The following CACNA1D variants were observed in gnomAD, a reference collection of about 807,000 sequenced individuals.
CACNA1D encodes calcium voltage-gated channel subunit alpha1 D, also known as voltage-dependent L-type calcium channel subunit alpha-1D.
In CACNA1D, 55 loss-of-function variants were observed where a neutral mutation model predicts 257.1. The ratio of observed to expected loss-of-function variants is 0.21; its 90% CI spans 0.17 to 0.27. The LOEUF (loss-of-function observed/expected upper bound fraction) is 0.27. Ranked by LOEUF, CACNA1D falls within the 10% of genes least tolerant of loss-of-function variation. CACNA1D has a pLI of 1.00. For missense variants in CACNA1D, 1,876 were observed against 2,784.0 expected (o/e 0.67, Z 7.34); for synonymous variants, 980 against 1,014.9 (o/e 0.97, Z 0.65).
At chr3:53,629,359 C>T (rs934071468) in intron 3 of CACNA1D, among the ~76,000 whole-genome samples, 7 of 151,834 alleles carry the variant, frequency 4.6e-5, no homozygotes, top group African/African-American at 1.7e-4. Flanking sequence ...CTTCCATTTT[C>T]TCTTAAGAAA....
chr3:53,616,690 C>T (rs549048039), intron 3 of CACNA1D, among the ~76,000 whole-genome samples: 68 of 152,266 alleles, frequency 4.5e-4, no homozygotes, highest in Admixed American at 3.5e-3. Context: ...GCTGTATAAT[C>T]GGTTATCCAA....
intron 8 of CACNA1D, among the ~76,000 whole-genome samples, chr3:53,680,604 T>C (rs1210153248): frequency 6.6e-6 from 1 of 152,174 alleles, no homozygotes; most frequent in East Asian, 1.9e-4. Flanking sequence ...GAGAATTCAT[T>C]ACAGTGCTTT....
intron 30 of CACNA1D, among the ~76,000 whole-genome samples, chr3:53,762,951 C>T (rs542372025): frequency 6.6e-6 from 1 of 152,296 alleles, no homozygotes; most frequent in South Asian, 2.1e-4. Context: ...GTCGTGTGAC[C>T]GTGGAAGTCA....
chr3:53,766,593 C>T (rs1367078204), intron 30 of CACNA1D, among the ~76,000 whole-genome samples: 2 of 152,216 alleles, frequency 1.3e-5, no homozygotes, highest in Non-Finnish European at 2.9e-5. Flanking sequence ...TTGACTTCCA[C>T]GGTTGCAGGG....
At chr3:53,735,246 G>T (rs1248572477) in intron 19 of CACNA1D, 128 bp from the exon 20 acceptor site, 5 of 914,606 alleles carry the variant, frequency 5.5e-6, no homozygotes, top group South Asian at 1.3e-5. Flanking sequence ...GCCGGGCAGG[G>T]TGCATGGGCA....
intron 3 of CACNA1D, among the ~76,000 whole-genome samples, chr3:53,572,627 T>G (rs1023598764): frequency 1.3e-5 from 2 of 152,138 alleles, no homozygotes. Context: ...CTCGAACTCA[T>G]AAGCTGAAGT....
At chr3:53,788,988 C>A (rs1307427648) in intron 40 of CACNA1D, among the ~76,000 whole-genome samples, 1 of 152,100 alleles carries the variant, frequency 6.6e-6, no homozygotes, top group Non-Finnish European at 1.5e-5. Context: ...TATGCACAAA[C>A]AACACACAGC....
chr3:53,596,810 A>C (rs533879024), intron 3 of CACNA1D, among the ~76,000 whole-genome samples: 7 of 152,252 alleles, frequency 4.6e-5, no homozygotes, highest in Non-Finnish European at 7.3e-5. Flanking sequence ...TAAGATACTA[A>C]GTTTGTGTTG....
chr3:53,795,407 C>T (rs2095503302), intron 40 of CACNA1D, among the ~76,000 whole-genome samples: 1 of 152,106 alleles, frequency 6.6e-6, no homozygotes. Flanking sequence ...AGTGACTTTG[C>T]CTGGGTGGTG....
chr3:53,774,487 A>G lies in CACNA1D; in HGVS notation c.4111-100A>G. 2 of 767,320 alleles carry G rather than the reference A, an allele frequency of 2.6e-6. No individual in the cohort carries two copies. Among genetic ancestry groups the G allele is most frequent in the Admixed American group, 3.8e-5 (2 of 52,990 alleles). The allele number at this position is 767,320 out of a possible 1,614,324, so 47.5% of individuals were successfully genotyped here. On this transcript the variant is annotated intron_variant, in intron 33 of 47. Coordinates refer to ENST00000350061, the MANE Select transcript of CACNA1D (RefSeq NM_001128840.3). The surrounding 1 kb of genome is among the most constrained non-coding windows in gnomAD (Gnocchi z 4.3). ...GTGCCAGGTACCATGAGAAAACCCTAGCTGGTAAAGATCAAACCTGAGTTA... is the reference window on the plus strand; with the variant it reads ...GTGCCAGGTACCATGAGAAAACCCTGGCTGGTAAAGATCAAACCTGAGTTA...
chr3:53,552,265 C>A (rs890059739), intron 3 of CACNA1D, among the ~76,000 whole-genome samples: 12 of 152,186 alleles, frequency 7.9e-5, no homozygotes, highest in African/African-American at 7.2e-5. Context: ...TTGGTTGACA[C>A]CTCTTCATTG....
At chr3:53,613,309 C>T (rs906826285) in intron 3 of CACNA1D, among the ~76,000 whole-genome samples, 6 of 152,178 alleles carry the variant, frequency 3.9e-5, no homozygotes, top group Admixed American at 3.3e-4. Flanking sequence ...AAGACTTCCT[C>T]GTTCATAATG....
At chr3:53,646,364 T>G (rs1173074367) in intron 3 of CACNA1D, among the ~76,000 whole-genome samples, 2 of 152,248 alleles carry the variant, frequency 1.3e-5, no homozygotes, top group Non-Finnish European at 2.9e-5. Flanking sequence ...GTAACTTAGA[T>G]ACATACATAT....
chr3:53,750,739 G>A (rs1430780317), intron 27 of CACNA1D, among the ~76,000 whole-genome samples: 3 of 152,156 alleles, frequency 2.0e-5, no homozygotes, highest in African/African-American at 7.2e-5. Flanking sequence ...GGGGGTCCCT[G>A]GAGTGAGCAT....
chr3:53,787,494 T>A (rs1382128993), intron 40 of CACNA1D, among the ~76,000 whole-genome samples: 1 of 148,568 alleles, frequency 6.7e-6, no homozygotes, highest in Non-Finnish European at 1.5e-5. Flanking sequence ...GTATGTTGTC[T>A]CCTGATGGCC....
In CACNA1D at chr3:53,495,598, C is replaced by G. The variant is rs1049512940; in HGVS notation, c.67+365C>G. Among the ~76,000 whole-genome samples, 1 of 152,126 alleles carries G rather than the reference C, an allele frequency of 6.6e-6. No individual in the cohort carries two copies. Among genetic ancestry groups the G allele is most frequent in the Non-Finnish European group, 1.5e-5 (1 of 68,012 alleles). ...CAAGTCTTCAGCCGGAGCCCCCTTG[C>G]CAGCCTCTTCTCGCCTTCCACTCCT... is the stretch of plus-strand genomic sequence containing the variant. On this transcript the variant is annotated intron_variant, in intron 1 of 47. Coordinates refer to ENST00000350061, the MANE Select transcript of CACNA1D (RefSeq NM_001128840.3). This position sits in a 1 kb window ranked among gnomAD's most constrained non-coding sequence, Gnocchi z 5.1.
At chr3:53,797,636 A>C (rs981586245) in intron 40 of CACNA1D, 2 of 152,226 alleles carry the variant, frequency 1.3e-5, no homozygotes, top group Non-Finnish European at 2.9e-5. Context: ...ACTAAATCCT[A>C]ATCTTGTGTA....
chr3:53,555,458 GTGTTTT>G (rs1469881359), intron 3 of CACNA1D, among the ~76,000 whole-genome samples: 36 of 109,206 alleles, frequency 3.3e-4, no homozygotes, highest in African/African-American at 1.7e-3. Flanking sequence ...GTGTGTGTGT[GTGTTTT>G]TTTTTTTTTT....
chr3:53,669,045 C>T (rs1414607756), intron 7 of CACNA1D, among the ~76,000 whole-genome samples: 1 of 152,258 alleles, frequency 6.6e-6, no homozygotes. Context: ...ATTCTTCCAC[C>T]TGTCAGCAGT....
Sources: allele counts gnomAD v4.1 joint callset (sites outside exome capture counted in the v4.1 genomes callset), GRCh38; gene constraint gnomAD v4.1.1; non-coding constraint Gnocchi (gnomAD v3.1); transcripts MANE v1.5; gene names NCBI Gene and HGNC (gene_info 2026-07-23, HGNC 2026-07-21).